Variants in ORC3 observed in about 807,000 individuals in gnomAD.
The protein encoded by ORC3 is origin recognition complex subunit 3.
In ORC3, 78 loss-of-function variants were observed where a neutral mutation model predicts 100.7. The observed-to-expected ratio is 0.77, with a 90% confidence interval of 0.65 to 0.94. The LOEUF (loss-of-function observed/expected upper bound fraction) is 0.94, where lower values mean the gene tolerates loss of function less well. ORC3 is among the 40% of genes least tolerant of loss of function. ORC3 has a pLI of 0.00. For synonymous variants in ORC3, 295 were observed against 289.3 expected (o/e 1.02, Z -0.20); for missense variants, 789 against 823.9 (o/e 0.96, Z 0.52).
At chr6:87,590,294 GAGGA>G in intron 1 of ORC3, 102 bp downstream of exon 1, 3 of 1,301,102 alleles carry the variant, frequency 2.3e-6, no homozygotes, top group South Asian at 1.2e-5. Flanking sequence ...CCTGGCTGGA[GAGGA>G]GGGAGGGAGC....
chr6:87,676,022 C>A, the ORC3 span: 5 of 1,073,868 alleles, frequency 4.7e-6, no homozygotes, highest in South Asian at 5.7e-5. Flanking sequence ...TAAAACAATT[C>A]TAAGTTGACA....
In ORC3 at chr6:87,603,486, C is replaced by G. The variant is rs2307365; in HGVS notation, c.280C>G (p.Gln94Glu). The change falls in exon 4 of 20, where the codon CAA becomes GAA. Residue 94 changes from glutamine to glutamate, a missense_variant. This residue lies in a region of ORC3 where 399 missense variants were observed against 382.0 expected (regional missense o/e 1.04). Coordinates refer to ENST00000392844, the MANE Select transcript of ORC3 (RefSeq NM_012381.4). ...GAAGAATTCAAGAGACTTGGGCGGT[C>G]AAATAAAACTCAGAGAAATTCCAAC... ...FQKNSRDLGGQIKLREIPTAA... is the reference protein window; with the variant it reads ...FQKNSRDLGGEIKLREIPTAA... 4 of 1,527,458 alleles carry G rather than the reference C, an allele frequency of 2.6e-6. No homozygotes were observed. In the African/African-American group the frequency reaches 4.1e-5, roughly 15 times the overall value. The allele number at this position is 1,527,458 out of a possible 1,614,324, so 94.6% of individuals were successfully genotyped here. A position where few individuals can be genotyped will look rare whatever the true frequency, so the allele number is the denominator to read the frequency against.
intron 13 of ORC3, among the ~76,000 whole-genome samples, chr6:87,644,863 G>A (rs893576672): frequency 5.3e-5 from 8 of 151,492 alleles, no homozygotes; most frequent in African/African-American, 1.5e-4. Flanking sequence ...AAAAAAAATT[G>A]CATCAATAAA....
At chr6:87,602,726 A>C (rs1778001264) in intron 3 of ORC3, among the ~76,000 whole-genome samples, 1 of 151,590 alleles carries the variant, frequency 6.6e-6, no homozygotes. Flanking sequence ...ACCATTGGCC[A>C]AATTAGAAAA....
At chr6:87,630,900 T>G (rs1296397987) in intron 11 of ORC3, among the ~76,000 whole-genome samples, 1 of 152,064 alleles carries the variant, frequency 6.6e-6, no homozygotes, top group Admixed American at 6.6e-5. Context: ...TGAGACAGTT[T>G]CGCTCTGTCA....
intron 2 of ORC3, among the ~76,000 whole-genome samples, chr6:87,598,940 A>G (rs1777673487): frequency 1.3e-5 from 2 of 152,346 alleles, no homozygotes; most frequent in South Asian, 4.1e-4. Context: ...TCTGTGGATG[A>G]CTGCATATCC....
chr6:87,622,597 T>G (rs1438738030), intron 11 of ORC3, among the ~76,000 whole-genome samples: 1 of 152,056 alleles, frequency 6.6e-6, no homozygotes, highest in African/African-American at 2.4e-5. Flanking sequence ...ATGGATATAG[T>G]ATACTATATA....
At chr6:87,636,562 C>G (rs896846450) in intron 13 of ORC3, 76 bp downstream of exon 13, 13 of 853,682 alleles carry the variant, frequency 1.5e-5, no homozygotes, top group Non-Finnish European at 2.4e-5. Context: ...CCTCTAGAAC[C>G]CTGCCTGCCA....
chr6:87,600,269 GCA>G (rs1777797819), intron 2 of ORC3, among the ~76,000 whole-genome samples: 1 of 152,068 alleles, frequency 6.6e-6, no homozygotes, highest in Non-Finnish European at 1.5e-5. Context: ...AAAATACGTA[GCA>G]GTAAACAACA....
chr6:87,641,203 C>T (rs1295553768), intron 13 of ORC3, among the ~76,000 whole-genome samples: 2 of 152,044 alleles, frequency 1.3e-5, no homozygotes, highest in East Asian at 3.9e-4. Flanking sequence ...GCAGTGGATT[C>T]TTGGATTGGG....
intron 2 of ORC3, among the ~76,000 whole-genome samples, chr6:87,598,318 C>T (rs1306832801): frequency 6.6e-6 from 1 of 152,152 alleles, no homozygotes; most frequent in Non-Finnish European, 1.5e-5. Flanking sequence ...CTGTTTCAAT[C>T]ATTTTATATG....
chr6:87,599,482 C>T (rs9450757), intron 2 of ORC3, among the ~76,000 whole-genome samples: 60,679 of 151,620 alleles, frequency 0.4, 12,249 homozygotes, highest in Admixed American at 0.48. Flanking sequence ...ATTCTCCTGC[C>T]TCAGCCTCCT....
At chr6:87,619,817 A>T (rs2128263063) in intron 9 of ORC3, among the ~76,000 whole-genome samples, 1 of 152,162 alleles carries the variant, frequency 6.6e-6, no homozygotes, top group South Asian at 2.1e-4. Context: ...GCATCTTTAG[A>T]CCTCATTTCC....
rs888438620 is a variant in ORC3 at position 87,607,730 on chromosome 6, T to C, written c.485T>C (p.Ile162Thr). Residue 162 changes from isoleucine to threonine, a missense_variant, in exon 6 of 20, where the codon ATA becomes ACA. Physicochemically the swap from Ile to Thr is moderately conservative, Grantham distance 89. Coordinates refer to ENST00000392844, the MANE Select transcript of ORC3 (RefSeq NM_012381.4). ...ISQLMDCCVD[I>T]KSKEEESVHV... ...CAGTTGATGGACTGCTGTGTAGATA[T>C]AAAATCCAAAGAGGAGGAAAGTGTT... is the stretch of plus-strand genomic sequence containing the variant. 4 of 1,612,378 alleles carry C rather than the reference T, an allele frequency of 2.5e-6. No individual in the cohort carries two copies. Among genetic ancestry groups the C allele is most frequent in the South Asian group, 1.1e-5 (1 of 90,972 alleles).
intron 13 of ORC3, among the ~76,000 whole-genome samples, chr6:87,649,833 T>C (rs2128287871): frequency 6.6e-6 from 1 of 152,322 alleles, no homozygotes; most frequent in Non-Finnish European, 1.5e-5. Context: ...TTTGTATCTT[T>C]ACAATAGTGA....
At chr6:87,659,286 ACTC>A (rs888738085) in intron 16 of ORC3, among the ~76,000 whole-genome samples, 10 of 151,214 alleles carry the variant, frequency 6.6e-5, no homozygotes, top group African/African-American at 1.9e-4. Flanking sequence ...CTGGTCCTGA[ACTC>A]CTGACCTCAT....
chr6:87,641,032 C>T (rs1354503140), intron 13 of ORC3, among the ~76,000 whole-genome samples: 1 of 151,944 alleles, frequency 6.6e-6, no homozygotes, highest in Non-Finnish European at 1.5e-5. Flanking sequence ...TCACTTGAAA[C>T]TGGGAGGCAG....
chr6:87,605,362 A>G (rs1374631267), intron 4 of ORC3, among the ~76,000 whole-genome samples: 1 of 152,192 alleles, frequency 6.6e-6, no homozygotes, highest in Non-Finnish European at 1.5e-5. Flanking sequence ...AGATGTTTTC[A>G]AGGGTCGGCT....
chr6:87,639,281 G>A (rs1768043341), intron 13 of ORC3, among the ~76,000 whole-genome samples: 1 of 152,150 alleles, frequency 6.6e-6, no homozygotes, highest in Non-Finnish European at 1.5e-5. Flanking sequence ...ATTCAGGTTA[G>A]TATGGCTGTA....
Sources: allele counts gnomAD v4.1 joint callset (sites outside exome capture counted in the v4.1 genomes callset), GRCh38; gene constraint gnomAD v4.1.1; regional missense constraint gnomAD v4.1.1; transcripts MANE v1.5; gene names NCBI Gene and HGNC (gene_info 2026-07-23, HGNC 2026-07-21).